Variants in CDYL2 observed in about 807,000 individuals in gnomAD.
CDYL2 encodes chromodomain Y like 2, also known as chromodomain Y-like protein 2.
Under a neutral mutation model 49.4 loss-of-function variants are expected in CDYL2, and 23 were observed. The ratio of observed to expected loss-of-function variants is 0.47; its 90% CI spans 0.34 to 0.66. The LOEUF (loss-of-function observed/expected upper bound fraction) is 0.66. Among genes scored for constraint, CDYL2 ranks in the 30% least tolerant of loss-of-function variants. The pLI, the probability that CDYL2 is intolerant of heterozygous loss-of-function variation, is 0.01. For missense variants in CDYL2, 678 were observed against 656.4 expected, an observed-to-expected ratio of 1.03 and a Z score of -0.36; for synonymous variants, 360 against 268.8, an observed-to-expected ratio of 1.34 and a Z score of -3.32.
At chr16:80,729,948 A>T (rs1432086495) in intron 1 of CDYL2, among the ~76,000 whole-genome samples, 2 of 152,212 alleles carry the variant, frequency 1.3e-5, no homozygotes, top group Non-Finnish European at 2.9e-5. Context: ...ACGCATTCAA[A>T]GCAGTGGGTA....
chr16:80,650,393 C>T (rs1183057948), intron 2 of CDYL2, among the ~76,000 whole-genome samples: 2 of 152,084 alleles, frequency 1.3e-5, no homozygotes, highest in Non-Finnish European at 2.9e-5. Flanking sequence ...CAAAGAAATG[C>T]AAATCAAAAC....
intron 1 of CDYL2, among the ~76,000 whole-genome samples, chr16:80,751,703 A>C (rs1471092501): frequency 1.3e-5 from 2 of 152,264 alleles, no homozygotes; most frequent in African/African-American, 2.4e-5. Flanking sequence ...CTTACTTTTC[A>C]GAAGGTTCAA....
chr16:80,705,955 A>G (rs1259215339), intron 1 of CDYL2, among the ~76,000 whole-genome samples: 2 of 152,264 alleles, frequency 1.3e-5, no homozygotes, highest in Admixed American at 6.5e-5. Context: ...ATTAAGGGAG[A>G]AAAGCATATA....
rs796920092 is a variant in CDYL2, at chr16:80,626,571, G to T, written c.835-5636C>A. Among the ~76,000 whole-genome samples, 7 of 152,050 alleles carry T rather than the reference G, an allele frequency of 4.6e-5. 1 individual carries two copies. The South Asian group carries it at 1.5e-3, about 32-fold the overall frequency. On this transcript the variant is annotated intron_variant, in intron 3 of 6. Coordinates refer to ENST00000570137, the MANE Select transcript of CDYL2 (RefSeq NM_152342.4). ...CATGAATTATAATGAATGGGGAGGA[G>T]GATAAAATAAAGAACACCCAATCAC...
At chr16:80,689,271 G>C (rs1485221745) in intron 1 of CDYL2, among the ~76,000 whole-genome samples, 1 of 152,200 alleles carries the variant, frequency 6.6e-6, no homozygotes, top group Non-Finnish European at 1.5e-5. Flanking sequence ...GGGAAATGCT[G>C]ATGCTATTAT....
intron 1 of CDYL2, among the ~76,000 whole-genome samples, chr16:80,801,560 G>A (rs1481522937): frequency 6.6e-6 from 1 of 152,220 alleles, no homozygotes; most frequent in Non-Finnish European, 1.5e-5. Context: ...ACAAACGTAA[G>A]AACTCTTGGC....
intron 2 of CDYL2, among the ~76,000 whole-genome samples, chr16:80,639,367 G>A (rs369167099): frequency 5.3e-5 from 8 of 152,320 alleles, no homozygotes; most frequent in African/African-American, 1.9e-4. Flanking sequence ...CCATAATGAT[G>A]TGAAATCTTA....
intron 1 of CDYL2, among the ~76,000 whole-genome samples, chr16:80,800,729 G>C (rs923979602): frequency 1.3e-5 from 2 of 152,082 alleles, no homozygotes; most frequent in East Asian, 1.9e-4. Flanking sequence ...GTCACACAAG[G>C]GTACTTTATA....
intron 1 of CDYL2, among the ~76,000 whole-genome samples, chr16:80,788,762 A>C (rs1399729263): frequency 6.6e-6 from 1 of 152,230 alleles, no homozygotes; most frequent in East Asian, 1.9e-4. Flanking sequence ...TCTCATAGAA[A>C]GGATTACATG....
At chr16:80,709,054 G>A (rs908438445) in intron 1 of CDYL2, among the ~76,000 whole-genome samples, 2 of 152,156 alleles carry the variant, frequency 1.3e-5, no homozygotes, top group South Asian at 2.1e-4. Flanking sequence ...AATACAAATA[G>A]AAAAGCACAG....
At chr16:80,624,836 T>A (rs1330044137) in intron 3 of CDYL2, among the ~76,000 whole-genome samples, 1 of 152,090 alleles carries the variant, frequency 6.6e-6, no homozygotes, top group East Asian at 1.9e-4. Context: ...CAACAGCAGA[T>A]TAGGTGGTGC....
intron 1 of CDYL2, among the ~76,000 whole-genome samples, chr16:80,771,027 G>A (rs1306539454): frequency 1.3e-5 from 2 of 152,108 alleles, no homozygotes; most frequent in Non-Finnish European, 2.9e-5. Context: ...TAGGAGTAAG[G>A]GTAAATGGTA....
chr16:80,614,106 G>A (rs760534313), intron 4 of CDYL2, among the ~76,000 whole-genome samples: 1 of 152,190 alleles, frequency 6.6e-6, no homozygotes, highest in Non-Finnish European at 1.5e-5. Flanking sequence ...CATCAATATT[G>A]GAATTAGCAC....
chr16:80,764,901 A>G, intron 1 of CDYL2, among the ~76,000 whole-genome samples: 1 of 151,606 alleles, frequency 6.6e-6, no homozygotes, highest in Non-Finnish European at 1.5e-5. Flanking sequence ...TCTACTAAAA[A>G]TACAAAAAAT....
At chr16:80,732,053 T>C (rs894517082) in intron 1 of CDYL2, among the ~76,000 whole-genome samples, 2 of 152,188 alleles carry the variant, frequency 1.3e-5, no homozygotes, top group Non-Finnish European at 2.9e-5. Context: ...CAAGGCTCTG[T>C]ATTCACAGCC....
intron 3 of CDYL2, among the ~76,000 whole-genome samples, chr16:80,631,351 T>G (rs780380310): frequency 1.3e-5 from 2 of 152,214 alleles, no homozygotes; most frequent in Non-Finnish European, 2.9e-5. Flanking sequence ...CCAGGCATCT[T>G]GTAGGAAAAG....
At chr16:80,781,302 T>A (rs1487220204) in intron 1 of CDYL2, among the ~76,000 whole-genome samples, 2 of 152,184 alleles carry the variant, frequency 1.3e-5, no homozygotes, top group Non-Finnish European at 1.5e-5. Flanking sequence ...ATGATTTTTT[T>A]AAATACTAAT....
At position 80,711,976 on chromosome 16, in the gene CDYL2, C is replaced by T. The variant is rs544968053; in HGVS notation, c.25-26847G>A. On this transcript the variant is annotated intron_variant, in intron 1 of 6. Coordinates refer to ENST00000570137, the MANE Select transcript of CDYL2 (RefSeq NM_152342.4). Reference sequence around the variant, plus strand: ...GTGTGTGTATATATATGTGTATACACATATATATATGTATGTATATATATG... The same window carrying T: ...GTGTGTGTATATATATGTGTATACATATATATATATGTATGTATATATATG... 7.5e-4 allele frequency among the ~76,000 whole-genome samples: 111 copies of T among 148,238 alleles called. 1 individual carries two copies. Among genetic ancestry groups the T allele is most frequent in the African/African-American group, 2.7e-3 (106 of 39,534 alleles).
chr16:80,793,487 C>G (rs754698668), intron 1 of CDYL2, among the ~76,000 whole-genome samples: 2 of 152,204 alleles, frequency 1.3e-5, no homozygotes, highest in Non-Finnish European at 1.5e-5. Flanking sequence ...ATACAGGAAG[C>G]ACTCAATGAA....
Sources: gnomAD v4.1 joint callset for allele counts (sites outside exome capture counted in the v4.1 genomes callset) on GRCh38, gnomAD v4.1.1 for gene constraint, MANE v1.5 for transcripts, NCBI Gene and HGNC (gene_info 2026-07-23, HGNC 2026-07-21) for gene names.